TTC17: variants seen among roughly 807,000 people sequenced by gnomAD.
TTC17 encodes the protein tetratricopeptide repeat protein 17.
Under a neutral mutation model 143.8 loss-of-function variants are expected in TTC17, and 58 were observed. The ratio of observed to expected loss-of-function variants is 0.40; its 90% CI spans 0.33 to 0.50. The LOEUF is 0.50. TTC17 is among the 20% of genes least tolerant of loss of function. The pLI is 0.49. For missense variants in TTC17, 1,273 were observed against 1,392.5 expected (o/e 0.91, Z 1.37); for synonymous variants, 501 against 497.8 (o/e 1.01, Z -0.09).
At chr11:43,422,939 G>A (rs1477785581) in intron 16 of TTC17, among the ~76,000 whole-genome samples, 1 of 152,192 alleles carries the variant, frequency 6.6e-6, no homozygotes, top group Non-Finnish European at 1.5e-5. Context: ...GCATGTTTCA[G>A]TAGGAATGAT....
intron 16 of TTC17, among the ~76,000 whole-genome samples, chr11:43,418,247 A>G (rs751904295): frequency 2.0e-5 from 3 of 152,212 alleles, no homozygotes; most frequent in Non-Finnish European, 4.4e-5. Flanking sequence ...GTGTTCTTAT[A>G]GCAGCTGTTT....
intron 21 of TTC17, among the ~76,000 whole-genome samples, chr11:43,468,628 A>G (rs926481291): frequency 2.6e-5 from 4 of 152,326 alleles, no homozygotes; most frequent in African/African-American, 7.2e-5. Context: ...AAAAATTGGT[A>G]AGTTGGACTT....
chr11:43,460,233 C>G (rs1012435750), intron 21 of TTC17, among the ~76,000 whole-genome samples: 1 of 152,046 alleles, frequency 6.6e-6, no homozygotes, highest in African/African-American at 2.4e-5. Context: ...TGAGCAGTTC[C>G]TTGTTTAGTT....
intron 21 of TTC17, among the ~76,000 whole-genome samples, chr11:43,470,714 A>T (rs1490719646): frequency 6.6e-6 from 1 of 152,198 alleles, no homozygotes; most frequent in Non-Finnish European, 1.5e-5. Flanking sequence ...AATTACCTGG[A>T]GGCCTTGTTA....
chr11:43,474,946 G>C (rs186614043), intron 21 of TTC17, among the ~76,000 whole-genome samples: 82 of 152,262 alleles, frequency 5.4e-4, no homozygotes, highest in Admixed American at 2.7e-3. Context: ...ATGTTAAGTA[G>C]GCTGAGGAGT....
chr11:43,489,611 T>C (rs997100868), intron 21 of TTC17, among the ~76,000 whole-genome samples: 10 of 151,836 alleles, frequency 6.6e-5, no homozygotes, highest in Admixed American at 5.3e-4. Context: ...GGTGGTGCAC[T>C]CCTCTAATCC....
intron 10 of TTC17, 91 bp from the exon 11 acceptor site, chr11:43,403,907 A>G: frequency 8.8e-7 from 1 of 1,134,858 alleles, no homozygotes; most frequent in East Asian, 2.7e-5. Flanking sequence ...CTAATTTTGA[A>G]TATTCACTCG....
chr11:43,403,999 T>A lies in TTC17; in HGVS notation c.1334T>A (p.Phe445Tyr). 1 of 1,592,388 alleles carries A rather than the reference T, an allele frequency of 6.3e-7. No individual in the cohort carries two copies. Among genetic ancestry groups the A allele is most frequent in the Non-Finnish European group, 8.5e-7 (1 of 1,171,246 alleles). Residue 445 changes from phenylalanine (F) to tyrosine (Y), a missense_variant and splice_region_variant, in exon 11 of 24, where the codon TTT becomes TAT. This residue lies in a region of TTC17 where 878 missense variants were observed against 899.8 expected (regional missense o/e 0.98). Coordinates refer to ENST00000039989, the MANE Select transcript of TTC17 (RefSeq NM_018259.6). ...DIFENVDYVQ[F>Y]GEDSSTSSMM... ...TGAACTTTTTGTTTCATTTTCTAGTTTGGTGAGGATTCATCAACCTCCAGT... is the reference window on the plus strand; with the variant it reads ...TGAACTTTTTGTTTCATTTTCTAGTATGGTGAGGATTCATCAACCTCCAGT...
chr11:43,414,808 G>C (rs1946740193), intron 16 of TTC17, 32 bp downstream of exon 16: 1 of 1,598,018 alleles, frequency 6.3e-7, no homozygotes, highest in Non-Finnish European at 8.5e-7. Flanking sequence ...ACAAACTAAT[G>C]AGCTCAGCCA....
intron 16 of TTC17, among the ~76,000 whole-genome samples, chr11:43,424,478 T>G (rs184315329): frequency 2.3e-4 from 35 of 152,070 alleles, no homozygotes; most frequent in Admixed American, 1.6e-3. Flanking sequence ...GTTAGAAACA[T>G]GAAAAGGTGG....
chr11:43,406,731 A>G (rs565870841), intron 13 of TTC17, among the ~76,000 whole-genome samples: 2 of 152,312 alleles, frequency 1.3e-5, no homozygotes, highest in South Asian at 4.1e-4. Flanking sequence ...GTTTACCGTT[A>G]TATAAATGCT....
At chr11:43,478,276 C>T (rs11037446) in intron 21 of TTC17, among the ~76,000 whole-genome samples, 1,677 of 152,196 alleles carry the variant, frequency 0.011, 17 homozygotes, top group African/African-American at 0.023. Flanking sequence ...AAATGTATGG[C>T]GCTCATTTAG....
At chr11:43,475,403 A>C (rs1272716150) in intron 21 of TTC17, among the ~76,000 whole-genome samples, 1 of 152,110 alleles carries the variant, frequency 6.6e-6, no homozygotes. Flanking sequence ...CGTGATCACC[A>C]CTCACTACAG....
intron 16 of TTC17, among the ~76,000 whole-genome samples, chr11:43,441,200 G>A (rs1590426326): frequency 6.6e-6 from 1 of 151,220 alleles, no homozygotes; most frequent in South Asian, 2.1e-4. Context: ...GATCCCAGGA[G>A]GCAGAGGTTT....
chr11:43,426,547 GTC>G (rs1947032227), intron 16 of TTC17, among the ~76,000 whole-genome samples: 1 of 152,186 alleles, frequency 6.6e-6, no homozygotes, highest in African/African-American at 2.4e-5. Context: ...CCATCCACAA[GTC>G]TCTGCTCATA....
chr11:43,374,854 A>G (rs970444986), intron 1 of TTC17, among the ~76,000 whole-genome samples: 6 of 152,184 alleles, frequency 3.9e-5, no homozygotes, highest in Non-Finnish European at 8.8e-5. Flanking sequence ...AGATTTCTCA[A>G]AGAACTTAGA....
chr11:43,458,296 G>A (rs552496044), intron 21 of TTC17, among the ~76,000 whole-genome samples: 1 of 152,224 alleles, frequency 6.6e-6, no homozygotes, highest in South Asian at 2.1e-4. Flanking sequence ...GGTCTCTTAA[G>A]TACCATGTGA....
intron 21 of TTC17, chr11:43,466,797 G>A (rs1590470922): frequency 3.1e-6 from 1 of 317,848 alleles, no homozygotes; most frequent in East Asian, 8.4e-5. Context: ...CATGAATATT[G>A]TGGAAGCCAT....
At position 43,407,461 on chromosome 11, in the gene TTC17, C is replaced by G. The variant is rs750299297; in HGVS notation, c.1948C>G (p.Pro650Ala). The change falls in exon 15 of 24, where the codon CCA (proline) becomes GCA (alanine). Residue 650 changes from proline to alanine, a missense_variant. By Grantham distance (27) the Pro-to-Ala change is conservative. Coordinates refer to ENST00000039989, the MANE Select transcript of TTC17 (RefSeq NM_018259.6). ...ACLQRALNLA[P>A]LQYQDVPLVN... Reference sequence around the variant, plus strand: ...TCTTCAGAGGGCTTTGAATTTAGCTCCACTTCAATACCAAGATGTTCCTCT... The same window carrying G: ...TCTTCAGAGGGCTTTGAATTTAGCTGCACTTCAATACCAAGATGTTCCTCT... 1 of 1,613,898 alleles carries G rather than the reference C, an allele frequency of 6.2e-7. No homozygotes were observed. The highest frequency in any genetic ancestry group is 1.1e-5 in the South Asian group (1 of 91,072).
Sources: gnomAD v4.1 joint callset for allele counts (sites outside exome capture counted in the v4.1 genomes callset) on GRCh38, gnomAD v4.1.1 for gene constraint, gnomAD v4.1.1 regional missense constraint, MANE v1.5 for transcripts, NCBI Gene and HGNC (gene_info 2026-07-23, HGNC 2026-07-21) for gene names.